SETBP1: variants seen among roughly 807,000 people sequenced by gnomAD.
The protein encoded by SETBP1 is SET binding protein 1.
In SETBP1, 9 loss-of-function variants were observed where a neutral mutation model predicts 101.0. That is an observed-to-expected ratio of 0.09 (90% CI 0.05 to 0.16). The LOEUF (loss-of-function observed/expected upper bound fraction) is 0.16, where lower values mean the gene tolerates loss of function less well. SETBP1 is among the 10% of genes least tolerant of loss of function. The pLI is 1.00. For missense variants in SETBP1, 1,858 were observed against 2,033.8 expected, an observed-to-expected ratio of 0.91 and a Z score of 1.66; for synonymous variants, 818 against 788.5, an observed-to-expected ratio of 1.04 and a Z score of -0.63.
At chr18:44,733,738 G>C (rs2069894055) in intron 2 of SETBP1, among the ~76,000 whole-genome samples, 1 of 152,176 alleles carries the variant, frequency 6.6e-6, no homozygotes, top group Admixed American at 6.5e-5. Flanking sequence ...CCTTTGAATT[G>C]CACGGTGTCC....
At chr18:44,685,609 C>G (rs1266896540) in intron 1 of SETBP1, among the ~76,000 whole-genome samples, 1 of 152,084 alleles carries the variant, frequency 6.6e-6, no homozygotes, top group Non-Finnish European at 1.5e-5. Context: ...GGAACCTAAT[C>G]AGTAAAATAA....
At chr18:44,728,930 A>T (rs776515404) in intron 2 of SETBP1, among the ~76,000 whole-genome samples, 4 of 152,216 alleles carry the variant, frequency 2.6e-5, no homozygotes, top group Non-Finnish European at 5.9e-5. Context: ...TGCAGCTAAG[A>T]ACTAACTAGT....
At chr18:44,807,276 C>T (rs149555079) in intron 2 of SETBP1, among the ~76,000 whole-genome samples, 16 of 152,068 alleles carry the variant, frequency 1.1e-4, no homozygotes, top group African/African-American at 2.4e-4. Context: ...CTAAAGTTTA[C>T]GGCCACTGAT....
At chr18:44,802,254 C>T (rs1251838368) in intron 2 of SETBP1, among the ~76,000 whole-genome samples, 2 of 152,096 alleles carry the variant, frequency 1.3e-5, no homozygotes, top group Non-Finnish European at 2.9e-5. Flanking sequence ...TTTCTGCTCA[C>T]CTTTCCTAGT....
chr18:44,896,581 C>T (rs529746376), intron 3 of SETBP1, among the ~76,000 whole-genome samples: 7 of 152,234 alleles, frequency 4.6e-5, no homozygotes, highest in African/African-American at 1.2e-4. Context: ...CAACCTCTGC[C>T]TCCTGGGTTC....
At chr18:44,999,512 C>T (rs1278871806) in intron 4 of SETBP1, among the ~76,000 whole-genome samples, 1 of 152,160 alleles carries the variant, frequency 6.6e-6, no homozygotes, top group Non-Finnish European at 1.5e-5. Flanking sequence ...GAAGAAAAAA[C>T]TCTGGGATAT....
At chr18:44,968,130 C>G (rs2071760240) in intron 4 of SETBP1, among the ~76,000 whole-genome samples, 1 of 152,120 alleles carries the variant, frequency 6.6e-6, no homozygotes, top group East Asian at 1.9e-4. Context: ...GGTACCATAC[C>G]TGGTCCTAAA....
chr18:44,969,394 G>A (rs114720401), intron 4 of SETBP1, among the ~76,000 whole-genome samples: 165 of 152,336 alleles, frequency 1.1e-3, no homozygotes, highest in African/African-American at 3.6e-3. Context: ...TAGGAACGCA[G>A]TGCCCTGTCC....
chr18:45,027,128 G>C (rs549750751), intron 4 of SETBP1, among the ~76,000 whole-genome samples: 6 of 152,188 alleles, frequency 3.9e-5, no homozygotes, highest in Non-Finnish European at 8.8e-5. Context: ...AATCGAGAGA[G>C]AGTGACTTCT....
chr18:44,952,843 A>T lies in SETBP1; in HGVS notation c.3503A>T (p.Asp1168Val), dbSNP rs1280289464. ...HKEDRILGTH[D>V]NLSGLFAGKA... The stretch of plus-strand genomic sequence containing the variant: ...GAAGACCGGATCCTAGGGACCCATG[A>T]CAACCTGAGTGGTCTTTTTGCAGGC... Residue 1168 changes from aspartate to valine, a missense_variant, in exon 4 of 6, where the codon GAC becomes GTC. Physicochemically the swap from Asp to Val is radical, Grantham distance 152 (BLOSUM62 -3). This residue lies in a region of SETBP1 where 417 missense variants were observed against 389.1 expected (regional missense o/e 1.07). Transcript: ENST00000649279. 6.2e-7 allele frequency: 1 copy of T among 1,614,076 alleles called. No homozygotes were observed. The highest frequency in any genetic ancestry group is 8.5e-7 in the Non-Finnish European group (1 of 1,180,048).
chr18:44,705,635 G>C (rs1252056505), intron 2 of SETBP1, among the ~76,000 whole-genome samples: 3 of 152,034 alleles, frequency 2.0e-5, no homozygotes, highest in Admixed American at 6.6e-5. Flanking sequence ...AATGATTTTC[G>C]TTTTCATTGG....
chr18:44,922,838 T>C (rs926665660), intron 3 of SETBP1, among the ~76,000 whole-genome samples: 1 of 152,186 alleles, frequency 6.6e-6, no homozygotes, highest in African/African-American at 2.4e-5. Context: ...TAACTTAAGA[T>C]GGTGTCAGTT....
intron 3 of SETBP1, among the ~76,000 whole-genome samples, chr18:44,910,903 C>G (rs2070292711): frequency 6.6e-6 from 1 of 152,102 alleles, no homozygotes; most frequent in East Asian, 1.9e-4. Flanking sequence ...TTTCATCCAC[C>G]CTACATTATT....
chr18:45,044,544 A>G (rs1263203853), intron 5 of SETBP1, among the ~76,000 whole-genome samples: 1 of 152,162 alleles, frequency 6.6e-6, no homozygotes, highest in Non-Finnish European at 1.5e-5. Flanking sequence ...TTCACTCTTA[A>G]AGGAGAAATA....
chr18:45,028,104 G>A (rs1240426209), intron 4 of SETBP1, among the ~76,000 whole-genome samples: 1 of 151,932 alleles, frequency 6.6e-6, no homozygotes, highest in East Asian at 1.9e-4. Context: ...CTGGCGTGCT[G>A]CACCCATTAA....
intron 4 of SETBP1, among the ~76,000 whole-genome samples, chr18:45,002,661 C>T (rs1249949577): frequency 6.6e-6 from 1 of 152,190 alleles, no homozygotes; most frequent in African/African-American, 2.4e-5. Context: ...GGTGCCTTCG[C>T]CCTCAAACCT....
Position 44,738,399 on chromosome 18 carries a change from A to C in SETBP1, c.486+36567A>C, listed in dbSNP as rs531734502. 5.3e-5 allele frequency among the ~76,000 whole-genome samples: 8 copies of C among 152,336 alleles called. No individual in the cohort carries two copies. In the East Asian group the frequency reaches 1.5e-3, roughly 29 times the overall value. The stretch of plus-strand genomic sequence containing the variant: ...GCCCTGAAAGAAGAATTATGCCATC[A>C]CTTCCATTTTACTCAATTTCATTTT... On this transcript the variant is annotated intron_variant, in intron 2 of 5. Coordinates refer to ENST00000649279, the MANE Select transcript of SETBP1 (RefSeq NM_015559.3).
At chr18:44,914,327 C>A (rs1159741501) in intron 3 of SETBP1, among the ~76,000 whole-genome samples, 1 of 152,124 alleles carries the variant, frequency 6.6e-6, no homozygotes, top group Non-Finnish European at 1.5e-5. Context: ...TATGCCCTGC[C>A]CTCTAGGAAA....
chr18:45,024,658 C>G (rs1157727328), intron 4 of SETBP1, among the ~76,000 whole-genome samples: 1 of 152,196 alleles, frequency 6.6e-6, no homozygotes, highest in African/African-American at 2.4e-5. Context: ...GGCAGGCTGT[C>G]CATTAGCTCT....
Sources: gnomAD v4.1 joint callset for allele counts (sites outside exome capture counted in the v4.1 genomes callset) on GRCh38, gnomAD v4.1.1 for gene constraint, gnomAD v4.1.1 regional missense constraint, MANE v1.5 for transcripts, NCBI Gene and HGNC (gene_info 2026-07-23, HGNC 2026-07-21) for gene names.